Variants in JPH2 observed in about 807,000 individuals in gnomAD.
JPH2 encodes junctophilin-2.
A neutral mutation model predicts 55.9 loss-of-function variants in JPH2; 38 were observed. That is an observed-to-expected ratio of 0.68 (90% CI 0.52 to 0.89). JPH2 has a LOEUF of 0.89. JPH2 is among the 40% of genes least tolerant of loss of function. The probability of loss-of-function intolerance (pLI) is 0.00; values close to 1 mark genes in which losing one functional copy is unlikely to be tolerated. For synonymous variants in JPH2, 480 were observed against 472.4 expected, an observed-to-expected ratio of 1.02 and a Z score of -0.21; for missense variants, 964 against 1,037.6, an observed-to-expected ratio of 0.93 and a Z score of 0.97.
At position 44,186,417 on chromosome 20, in the gene JPH2, G is replaced by A. The variant is rs746943770; in HGVS notation, c.289C>T (p.Arg97Trp). The A allele has an allele frequency of 1.2e-6, 2 of 1,613,846 alleles. No homozygotes were observed. The highest frequency in any genetic ancestry group is 1.7e-6 in the Non-Finnish European group (2 of 1,179,956). The change falls in exon 1 of 6, where the codon CGG (arginine) becomes TGG (tryptophan). Residue 97 changes from arginine to tryptophan, a missense_variant. Coordinates refer to ENST00000372980, the MANE Select transcript of JPH2 (RefSeq NM_020433.5). The stretch of plus-strand genomic sequence containing the variant: ...TTGGCACCGCTGCTTGAGCTCTGCC[G>A]GATTCCGTAGCGTCCCTTGAAGCCA... ...THGFKGRYGIRQSSSSGAKYE... is the reference protein window; with the variant it reads ...THGFKGRYGIWQSSSSGAKYE...
intron 2 of JPH2, among the ~76,000 whole-genome samples, chr20:44,158,568 G>T (rs1466733396): frequency 6.6e-6 from 1 of 152,228 alleles, no homozygotes; most frequent in Non-Finnish European, 1.5e-5. Context: ...CTTGTACCTA[G>T]TAGGTGCCAT....
chr20:44,186,295 C>CCAGGGTTTCTCA, intron 1 of JPH2, 32 bp downstream of exon 1: 1 of 1,607,308 alleles, frequency 6.2e-7, no homozygotes. Context: ...CCTGGCTCCA[C>CCAGGGTTTCTCA]CCCACCTCTG....
At chr20:44,140,581 G>A (rs1323898271) in intron 2 of JPH2, among the ~76,000 whole-genome samples, 1 of 152,076 alleles carries the variant, frequency 6.6e-6, no homozygotes, top group Non-Finnish European at 1.5e-5. Flanking sequence ...GATACGGCTT[G>A]GCCAAAGGTA....
At chr20:44,130,785 GCCTT>G (rs2072312386) in intron 2 of JPH2, among the ~76,000 whole-genome samples, 3 of 152,316 alleles carry the variant, frequency 2.0e-5, no homozygotes, top group South Asian at 4.1e-4. Context: ...TAGCTTTTGA[GCCTT>G]CCTTGTCTGT....
At chr20:44,162,803 C>T (rs1221144835) in intron 1 of JPH2, among the ~76,000 whole-genome samples, 4 of 138,256 alleles carry the variant, frequency 2.9e-5, no homozygotes, top group African/African-American at 5.4e-5. Context: ...CACACACACA[C>T]ACACACACAC....
chr20:44,158,202 G>A (rs574038010), intron 2 of JPH2, among the ~76,000 whole-genome samples: 15 of 152,304 alleles, frequency 9.8e-5, no homozygotes, highest in African/African-American at 3.4e-4. Context: ...GACCTCATCC[G>A]CTCTCTAAGG....
chr20:44,149,794 A>G (rs1260138725), intron 2 of JPH2, among the ~76,000 whole-genome samples: 1 of 152,178 alleles, frequency 6.6e-6, no homozygotes, highest in Non-Finnish European at 1.5e-5. Context: ...TCTGGCCAAC[A>G]TGGCGAAACC....
intron 1 of JPH2, among the ~76,000 whole-genome samples, chr20:44,174,291 G>A (rs2072718368): frequency 1.3e-5 from 2 of 152,118 alleles, no homozygotes; most frequent in Non-Finnish European, 1.5e-5. Context: ...CTCTTTCAAT[G>A]CTGCCTTGCA....
intron 2 of JPH2, among the ~76,000 whole-genome samples, chr20:44,125,683 G>A (rs1364688897): frequency 6.6e-6 from 1 of 152,218 alleles, no homozygotes; most frequent in African/African-American, 2.4e-5. Context: ...CAGGGGCTCA[G>A]AGCAAAGTCT....
At chr20:44,167,063 C>T (rs1244357151) in intron 1 of JPH2, among the ~76,000 whole-genome samples, 3 of 152,230 alleles carry the variant, frequency 2.0e-5, no homozygotes, top group African/African-American at 4.8e-5. Context: ...TCCCTCTTCC[C>T]CTGGCCAACT....
intron 1 of JPH2, among the ~76,000 whole-genome samples, chr20:44,182,668 C>T (rs2072795317): frequency 6.6e-6 from 1 of 152,222 alleles, no homozygotes; most frequent in Non-Finnish European, 1.5e-5. Context: ...CTCCATCCTC[C>T]TTCTGAGACG....
In JPH2 at chr20:44,113,470, C is replaced by A. The variant is rs991606176; in HGVS notation, c.*48G>T. 6.6e-6 allele frequency: 1 copy of A among 152,238 alleles called. No individual in the cohort carries two copies. The highest frequency in any genetic ancestry group is 1.5e-5 in the Non-Finnish European group (1 of 68,142). The allele number at this position is 152,238 out of a possible 1,614,324, so 9.4% of individuals were successfully genotyped here. On this transcript the variant is annotated 3_prime_UTR_variant, in exon 6 of 6. Coordinates refer to ENST00000372980, the MANE Select transcript of JPH2 (RefSeq NM_020433.5). ...CACCCTGCCTGGCACTGCAAAAAGA[C>A]GGGTCCTCATGTCCTCAGCAGGAAC... is the stretch of plus-strand genomic sequence containing the variant.
At chr20:44,142,183 A>T (rs923228542) in intron 2 of JPH2, among the ~76,000 whole-genome samples, 1 of 152,182 alleles carries the variant, frequency 6.6e-6, no homozygotes, top group Non-Finnish European at 1.5e-5. Flanking sequence ...CCTGACCTGC[A>T]AGGCCCCCGA....
intron 2 of JPH2, among the ~76,000 whole-genome samples, chr20:44,121,466 G>C (rs1299477676): frequency 6.6e-6 from 1 of 152,174 alleles, no homozygotes; most frequent in African/African-American, 2.4e-5. Context: ...CCTCAAAACT[G>C]TGAGGTAGTG....
intron 1 of JPH2, among the ~76,000 whole-genome samples, chr20:44,181,783 C>A (rs1187671046): frequency 6.6e-6 from 1 of 152,140 alleles, no homozygotes; most frequent in African/African-American, 2.4e-5. Flanking sequence ...CAGGAAGCCT[C>A]CCTGAATGCC....
intron 2 of JPH2, among the ~76,000 whole-genome samples, chr20:44,120,093 C>G (rs961162471): frequency 2.6e-5 from 4 of 152,040 alleles, no homozygotes; most frequent in African/African-American, 9.7e-5. Context: ...CATCCTGCCT[C>G]TCATTCTTCT....
intron 2 of JPH2, among the ~76,000 whole-genome samples, chr20:44,150,184 G>A (rs2072522092): frequency 1.3e-5 from 2 of 148,764 alleles, no homozygotes; most frequent in Non-Finnish European, 1.5e-5. Flanking sequence ...GACAAATCCA[G>A]AAGATGTCAT....
intron 1 of JPH2, among the ~76,000 whole-genome samples, chr20:44,184,251 T>G (rs1283050928): frequency 1.3e-5 from 2 of 152,170 alleles, no homozygotes; most frequent in East Asian, 3.8e-4. Context: ...GGCTTTCAAA[T>G]AATTTCACAT....
intron 2 of JPH2, among the ~76,000 whole-genome samples, chr20:44,129,875 G>A (rs2072305003): frequency 6.6e-6 from 1 of 152,134 alleles, no homozygotes; most frequent in Admixed American, 6.6e-5. Context: ...GATGTGTTTT[G>A]AAGACAGAGG....
Sources: allele counts gnomAD v4.1 joint callset (sites outside exome capture counted in the v4.1 genomes callset), GRCh38; gene constraint gnomAD v4.1.1; transcripts MANE v1.5; gene names NCBI Gene and HGNC (gene_info 2026-07-23, HGNC 2026-07-21).